CEP170: variants seen among roughly 807,000 people sequenced by gnomAD.
The protein encoded by CEP170 is centrosomal protein 170.
A neutral mutation model predicts 151.9 loss-of-function variants in CEP170; 21 were observed. That is an observed-to-expected ratio of 0.14 (90% confidence interval 0.10 to 0.20). The LOEUF is 0.20. Among genes scored for constraint, CEP170 ranks in the 10% least tolerant of loss-of-function variants. The probability of loss-of-function intolerance (pLI) is 1.00; values close to 1 mark genes in which losing one functional copy is unlikely to be tolerated. For synonymous variants in CEP170, 356 were observed against 648.8 expected, an observed-to-expected ratio of 0.55 and a Z score of 6.86; for missense variants, 964 against 1,892.9, an observed-to-expected ratio of 0.51 and a Z score of 9.11.
chr1:243,146,580 T>C (rs1328283898), intron 14 of CEP170, among the ~76,000 whole-genome samples: 6 of 152,096 alleles, frequency 3.9e-5, no homozygotes, highest in Non-Finnish European at 7.3e-5. Context: ...CTTGTATTTT[T>C]CCTTCTAAGT....
intron 2 of CEP170, among the ~76,000 whole-genome samples, chr1:243,222,114 T>G (rs532824322): frequency 6.6e-6 from 1 of 152,228 alleles, no homozygotes; most frequent in Non-Finnish European, 1.5e-5. Context: ...AATTTAAAAC[T>G]GTTATAGAGA....
chr1:243,185,283 T>C lies in CEP170; in HGVS notation c.1566+496A>G, dbSNP rs534795287. ...TCATATACTTCTCTTCTACCACCAA[T>C]GACAGCAGTGAATAGAAATTAAGAA... On this transcript the variant is annotated intron_variant, in intron 10 of 19. Coordinates refer to ENST00000366542, the MANE Select transcript of CEP170 (RefSeq NM_014812.3). This position sits in a 1 kb window ranked among gnomAD's most constrained non-coding sequence, Gnocchi z 4.9. Among the ~76,000 whole-genome samples, 153 of 152,280 alleles carry C rather than the reference T, an allele frequency of 1.0e-3. No homozygotes were observed. The highest frequency in any genetic ancestry group is 3.5e-3 in the African/African-American group (146 of 41,556).
At chr1:243,149,530 A>G (rs2056862760) in intron 14 of CEP170, among the ~76,000 whole-genome samples, 1 of 152,316 alleles carries the variant, frequency 6.6e-6, no homozygotes, top group Non-Finnish European at 1.5e-5. Context: ...ACCTAGCCCA[A>G]CAAAATAACA....
chr1:243,249,916 A>T (rs536131528), intron 1 of CEP170, among the ~76,000 whole-genome samples: 1 of 152,328 alleles, frequency 6.6e-6, no homozygotes, highest in South Asian at 2.1e-4. Context: ...CCCTGTCTTT[A>T]CTAAAATACA....
At chr1:243,140,650 T>C (rs2055728737) in intron 15 of CEP170, 1 of 152,394 alleles carries the variant, frequency 6.6e-6, no homozygotes, top group African/African-American at 2.4e-5. Flanking sequence ...AACAATGCTA[T>C]AGAAGTTACA....
intron 12 of CEP170, among the ~76,000 whole-genome samples, chr1:243,166,735 T>C (rs527502063): frequency 0.011 from 1,676 of 152,202 alleles, 34 homozygotes; most frequent in African/African-American, 0.038. Flanking sequence ...TCTCCTTTCA[T>C]ATATTTAATT....
At chr1:243,144,325 C>A (rs1368441187) in intron 14 of CEP170, among the ~76,000 whole-genome samples, 4 of 152,148 alleles carry the variant, frequency 2.6e-5, no homozygotes, top group Non-Finnish European at 4.4e-5. Flanking sequence ...GACATGCGAC[C>A]ATTTTTTTGG....
intron 7 of CEP170, 38 bp downstream of exon 7, chr1:243,199,022 A>G (rs2060841724): frequency 9.2e-7 from 1 of 1,081,694 alleles, no homozygotes; most frequent in African/African-American, 1.6e-5. Flanking sequence ...ACTTCCCAAA[A>G]TATCCACTTA....
chr1:243,159,763 T>TGTGTGTGTG (rs2057892319), intron 13 of CEP170, among the ~76,000 whole-genome samples: 10 of 127,076 alleles, frequency 7.9e-5, no homozygotes, highest in East Asian at 4.7e-4. Flanking sequence ...GTTTCCGGTT[T>TGTGTGTGTG]TGTGTGTGTG....
Position 243,191,416 on chromosome 1 carries a change from T to A in CEP170, c.710A>T (p.Glu237Val). 6.4e-7 allele frequency: 1 copy of A among 1,571,230 alleles called. No homozygotes were observed. The highest frequency in any genetic ancestry group is 8.6e-7 in the Non-Finnish European group (1 of 1,157,922). Residue 237 changes from glutamate to valine, a missense_variant, in exon 8 of 20, where the codon GAA (glutamate) becomes GTA (valine). Glu to Val is a moderately radical substitution (Grantham distance 121). Coordinates refer to ENST00000366542, the MANE Select transcript of CEP170 (RefSeq NM_014812.3). Reference protein sequence around the residue: ...NEEVLFPFCREPSYFEIPTKE... With the variant: ...NEEVLFPFCRVPSYFEIPTKE... ...TGTAGGGATTTCAAAATAACTTGGTTCCCTACAGAAAGGAAAAAGTACTTC... is the reference window on the plus strand; with the variant it reads ...TGTAGGGATTTCAAAATAACTTGGTACCCTACAGAAAGGAAAAAGTACTTC...
In CEP170 at chr1:243,140,023, C is replaced by T. The variant is rs527444882; in HGVS notation, c.4144G>A (p.Gly1382Ser). 37 of 1,613,882 alleles carry T rather than the reference C, an allele frequency of 2.3e-5. 1 individual carries two copies. In the East Asian group the frequency reaches 5.1e-4, roughly 22 times the overall value. ...TGAGGTCTTGGATCACCAGATCGAC[C>T]GTTGTTTCCTTCTGGTGTTTTGGAA... ...VHSKTPEGNN[G>S]RSGDPRPQAA... Residue 1382 changes from glycine (G) to serine (S), a missense_variant, in exon 16 of 20, where the codon GGT (glycine) becomes AGT (serine). By Grantham distance (56) the Gly-to-Ser change is moderately conservative. Transcript: ENST00000366542.
intron 16 of CEP170, among the ~76,000 whole-genome samples, chr1:243,139,054 G>A (rs1318429806): frequency 6.6e-6 from 1 of 151,516 alleles, no homozygotes; most frequent in Admixed American, 6.6e-5. Context: ...CTGAATGCTT[G>A]TTAAGTTAAA....
intron 1 of CEP170, among the ~76,000 whole-genome samples, chr1:243,233,741 A>AAAT (rs1367723157): frequency 3.6e-5 from 5 of 140,414 alleles, no homozygotes; most frequent in African/African-American, 1.3e-4. Flanking sequence ...TCAAAAAAAA[A>AAAT]ATATATATAT....
intron 1 of CEP170, among the ~76,000 whole-genome samples, chr1:243,248,677 A>G (rs1178901186): frequency 6.6e-6 from 1 of 152,204 alleles, no homozygotes; most frequent in Non-Finnish European, 1.5e-5. Context: ...CTTAAACCAG[A>G]TCATTCCAAT....
intron 15 of CEP170, among the ~76,000 whole-genome samples, chr1:243,141,602 A>G (rs2055842116): frequency 6.6e-6 from 1 of 152,214 alleles, no homozygotes; most frequent in Non-Finnish European, 1.5e-5. Flanking sequence ...TTCTGCCCCA[A>G]ATCAAAGCAG....
intron 16 of CEP170, among the ~76,000 whole-genome samples, chr1:243,139,368 G>A (rs1040396189): frequency 6.6e-6 from 1 of 151,808 alleles, no homozygotes; most frequent in Non-Finnish European, 1.5e-5. Context: ...TTTTCTCTTT[G>A]GTGAAATGTT....
At chr1:243,144,604 A>C (rs538852757) in intron 14 of CEP170, among the ~76,000 whole-genome samples, 35 of 152,338 alleles carry the variant, frequency 2.3e-4, no homozygotes, top group African/African-American at 7.9e-4. Context: ...TTTTTCATTA[A>C]GGATTTTTTA....
At chr1:243,153,847 T>C (rs1017595746) in intron 14 of CEP170, among the ~76,000 whole-genome samples, 4 of 152,352 alleles carry the variant, frequency 2.6e-5, no homozygotes, top group African/African-American at 7.2e-5. Context: ...TTAGGTTGAA[T>C]GTATTTCATT....
At chr1:243,237,318 G>C (rs2064343837) in intron 1 of CEP170, among the ~76,000 whole-genome samples, 1 of 152,054 alleles carries the variant, frequency 6.6e-6, no homozygotes, top group African/African-American at 2.4e-5. Flanking sequence ...GTTAACTATT[G>C]AGCACTTGAA....
Sources: allele counts gnomAD v4.1 joint callset (sites outside exome capture counted in the v4.1 genomes callset), GRCh38; gene constraint gnomAD v4.1.1; non-coding constraint Gnocchi (gnomAD v3.1); transcripts MANE v1.5; gene names NCBI Gene and HGNC (gene_info 2026-07-23, HGNC 2026-07-21).